Variants in DOLPP1 observed in about 807,000 individuals in gnomAD.
The protein encoded by DOLPP1 is dolichyldiphosphatase 1.
In DOLPP1, 15 loss-of-function variants were observed where a neutral mutation model predicts 34.1. That is an observed-to-expected ratio of 0.44 (90% CI 0.29 to 0.68). DOLPP1 has a LOEUF of 0.68. Among genes scored for constraint, DOLPP1 ranks in the 30% least tolerant of loss-of-function variants. The pLI, the probability that DOLPP1 is intolerant of heterozygous loss-of-function variation, is 0.12. For synonymous variants in DOLPP1, 130 were observed against 128.2 expected (o/e 1.01, Z -0.10); for missense variants, 249 against 307.1 (o/e 0.81, Z 1.41).
intron 1 of DOLPP1, among the ~76,000 whole-genome samples, chr9:129,083,193 G>C (rs1273558776): frequency 6.6e-6 from 1 of 152,182 alleles, no homozygotes; most frequent in African/African-American, 2.4e-5. Flanking sequence ...GGAGGCCTGA[G>C]GGGGCTTGGA....
Position 129,086,157 on chromosome 9 carries a change from C to T in DOLPP1, c.480C>T (p.His160=), listed in dbSNP as rs1846985152. 2 of 1,613,256 alleles carry T rather than the reference C, an allele frequency of 1.2e-6. No individual in the cohort carries two copies. The highest frequency in any genetic ancestry group is 3.3e-5 in the Admixed American group (2 of 59,994). ...VSYSRVYLLY[H]TWSQVLYGGI... is the part of the protein sequence containing the mutation. ...GGCCCAGGGTCTACCTGCTGTACCA[C>T]ACCTGGAGCCAGGTGCTCTATGGAG... Residue 160 remains histidine (H), a synonymous_variant, in exon 6 of 8, where the codon CAC becomes CAT. Coordinates refer to ENST00000372546, the MANE Select transcript of DOLPP1 (RefSeq NM_020438.5).
At chr9:129,086,617 C>A in intron 6 of DOLPP1, 92 bp from the exon 7 acceptor site, 1 of 1,334,296 alleles carries the variant, frequency 7.5e-7, no homozygotes, top group South Asian at 1.2e-5. Context: ...GGGCGGGTGC[C>A]GTGCCAGCCC....
At chr9:129,087,713 G>A (rs927337687) in intron 7 of DOLPP1, among the ~76,000 whole-genome samples, 2 of 152,126 alleles carry the variant, frequency 1.3e-5, no homozygotes, top group Non-Finnish European at 2.9e-5. Context: ...GGGCGGGGTA[G>A]GGTGGGGCGT....
At chr9:129,088,911 A>C in intron 7 of DOLPP1, 60 bp from the exon 8 acceptor site, 6 of 1,555,904 alleles carry the variant, frequency 3.9e-6, no homozygotes, top group Non-Finnish European at 5.3e-6. Context: ...TGGGGTGGGG[A>C]CAGCTGTAGG....
In DOLPP1 at chr9:129,085,277, C is replaced by T. The variant is rs764793219; in HGVS notation, c.333C>T (p.Ser111=). 9.9e-6 allele frequency: 16 copies of T among 1,613,956 alleles called. No homozygotes were observed. The highest frequency in any genetic ancestry group is 8.8e-5 in the South Asian group (8 of 91,086). The change falls in exon 4 of 8, where the codon TCC becomes TCT. Residue 111 remains serine (S), a synonymous_variant. Coordinates refer to ENST00000372546, the MANE Select transcript of DOLPP1 (RefSeq NM_020438.5). The surrounding 1 kb of genome is among the most constrained non-coding windows in gnomAD (Gnocchi z 7.0). ...ATTCCCAGTTTATGTGGTTCTTCTC[C>T]GTCTATTCCTTCCTTTTCCTGTATT... ...SSHSQFMWFF[S]VYSFLFLYLR...
At chr9:129,087,279 G>A (rs1160407616) in intron 7 of DOLPP1, among the ~76,000 whole-genome samples, 1 of 151,678 alleles carries the variant, frequency 6.6e-6, no homozygotes, top group South Asian at 2.1e-4. Context: ...CCTGGGTGAG[G>A]TTCTTAGGGG....
intron 7 of DOLPP1, among the ~76,000 whole-genome samples, 188 bp downstream of exon 7, chr9:129,086,986 G>C (rs995491041): frequency 6.6e-6 from 1 of 152,228 alleles, no homozygotes; most frequent in Non-Finnish European, 1.5e-5. Flanking sequence ...TCACTTGCTC[G>C]AGATCTTGCA....
In DOLPP1 at chr9:129,086,714, T is replaced by C; in HGVS notation, c.596T>C (p.Val199Ala). The change falls in exon 7 of 8, where the codon GTC becomes GCC. Residue 199 changes from valine (V) to alanine (A), a missense_variant. Transcript: ENST00000372546. ...PLFPRIAAWPVSEFFLIRDTS... is the reference protein window; with the variant it reads ...PLFPRIAAWPASEFFLIRDTS... ...TCTGATGTCTGTCTCTCCAGGCCTG[T>C]CTCCGAGTTCTTCCTAATCCGAGAC... The C allele has an allele frequency of 6.2e-7, 1 of 1,613,892 alleles. No individual in the cohort carries two copies. Among genetic ancestry groups the C allele is most frequent in the Non-Finnish European group, 8.5e-7 (1 of 1,179,962 alleles).
intron 7 of DOLPP1, among the ~76,000 whole-genome samples, chr9:129,088,702 A>T (rs1035336476): frequency 6.6e-6 from 1 of 152,166 alleles, no homozygotes; most frequent in Non-Finnish European, 1.5e-5. Context: ...CTGTAGTCTC[A>T]TCCTGGTCCC....
At chr9:129,087,221 G>A (rs1346464578) in intron 7 of DOLPP1, among the ~76,000 whole-genome samples, 2 of 152,196 alleles carry the variant, frequency 1.3e-5, no homozygotes, top group Non-Finnish European at 1.5e-5. Flanking sequence ...TCAGGACAGA[G>A]CTGAGCTTTG....
chr9:129,084,982 G>A, intron 2 of DOLPP1, 41 bp from the exon 3 acceptor site: 1 of 1,544,012 alleles, frequency 6.5e-7, no homozygotes, highest in Non-Finnish European at 8.7e-7. Flanking sequence ...GCAGCCAACA[G>A]GTGCACAGAG....
intron 6 of DOLPP1, 128 bp from the exon 7 acceptor site, chr9:129,086,580 AG>A: frequency 5.1e-6 from 5 of 989,636 alleles, no homozygotes; most frequent in Non-Finnish European, 7.8e-6. Flanking sequence ...CTGGGGTCTC[AG>A]GCCAGGCAAA....
At chr9:129,084,131 T>C (rs1846939258) in intron 1 of DOLPP1, among the ~76,000 whole-genome samples, 1 of 152,248 alleles carries the variant, frequency 6.6e-6, no homozygotes, top group Non-Finnish European at 1.5e-5. Context: ...GTCTGTGTGG[T>C]GTCCAGAGAA....
intron 1 of DOLPP1, among the ~76,000 whole-genome samples, chr9:129,081,567 C>G (rs766433042): frequency 1.3e-5 from 2 of 152,226 alleles, no homozygotes; most frequent in Non-Finnish European, 2.9e-5. Flanking sequence ...CCAGAGAGGC[C>G]GCACTCCTGT....
chr9:129,085,543 T>G lies in DOLPP1; in HGVS notation c.388T>G (p.Phe130Val). Residue 130 changes from phenylalanine (F) to valine (V), a missense_variant, in exon 5 of 8, where the codon TTC becomes GTC. Coordinates refer to ENST00000372546, the MANE Select transcript of DOLPP1 (RefSeq NM_020438.5). The surrounding 1 kb of genome is among the most constrained non-coding windows in gnomAD (Gnocchi z 7.0). ...LRMHQTNNARFLDLLWRHVLS... is the reference protein window; with the variant it reads ...LRMHQTNNARVLDLLWRHVLS... ...AATGCACCAAACAAACAACGCCAGG[T>G]TCCTGGACTTGCTGTGGAGGCACGT... 1 of 1,613,628 alleles carries G rather than the reference T, an allele frequency of 6.2e-7. No homozygotes were observed. Among genetic ancestry groups the G allele is most frequent in the Non-Finnish European group, 8.5e-7 (1 of 1,179,938 alleles).
rs1339521178 is a variant in DOLPP1 at position 129,090,292 on chromosome 9, G to T, written c.*1285G>T. 1 of 152,620 alleles carries T rather than the reference G, an allele frequency of 6.6e-6. No homozygotes were observed. Among genetic ancestry groups the T allele is most frequent in the Non-Finnish European group, 1.5e-5 (1 of 68,040 alleles). 9.5% of individuals were successfully genotyped at this position (152,620 alleles called of 1,614,324 possible). A position where few individuals can be genotyped will look rare whatever the true frequency, so the allele number is the denominator to read the frequency against. ...CCAAGACCAGGGGCTTATTTCTAGG[G>T]AAGGTAGGTCGGTTTCCATGTTTCC... On this transcript the variant is annotated 3_prime_UTR_variant, in exon 8 of 8. Transcript: ENST00000372546.
chr9:129,088,136 G>T (rs1259711517), intron 7 of DOLPP1, among the ~76,000 whole-genome samples: 1 of 137,372 alleles, frequency 7.3e-6, no homozygotes, highest in African/African-American at 2.7e-5. Context: ...AGCTGGGGGT[G>T]GGGGGAGGTG....
In DOLPP1 at chr9:129,089,730, C is replaced by T. The variant is rs1464336622; in HGVS notation, c.*723C>T. ...GGTCCCCTGTCCCTAAGACAATAATCGCTTTCTGACAAAGGAGCCTGCACA... is the reference window on the plus strand; with the variant it reads ...GGTCCCCTGTCCCTAAGACAATAATTGCTTTCTGACAAAGGAGCCTGCACA... On this transcript the variant is annotated 3_prime_UTR_variant, in exon 8 of 8. Coordinates refer to ENST00000372546, the MANE Select transcript of DOLPP1 (RefSeq NM_020438.5). This position sits in a 1 kb window ranked among gnomAD's most constrained non-coding sequence, Gnocchi z 4.9. 2.6e-5 allele frequency: 4 copies of T among 152,840 alleles called. No homozygotes were observed. The highest frequency in any genetic ancestry group is 2.1e-4 in the South Asian group (1 of 4,826). The allele number at this position is 152,840 out of a possible 1,614,324, so 9.5% of individuals were successfully genotyped here.
intron 7 of DOLPP1, among the ~76,000 whole-genome samples, chr9:129,087,917 C>T (rs903158955): frequency 6.6e-6 from 1 of 151,766 alleles, no homozygotes; most frequent in Non-Finnish European, 1.5e-5. Context: ...CCCTGCCCCG[C>T]CTGGCCGGCC....
Sources: allele counts gnomAD v4.1 joint callset (sites outside exome capture counted in the v4.1 genomes callset), GRCh38; gene constraint gnomAD v4.1.1; non-coding constraint Gnocchi (gnomAD v3.1); transcripts MANE v1.5; gene names NCBI Gene and HGNC (gene_info 2026-07-23, HGNC 2026-07-21).